The following HIPK3 variants were observed in gnomAD, a reference collection of about 807,000 sequenced individuals.
The protein encoded by HIPK3 is homeodomain-interacting protein kinase 3.
Under a neutral mutation model 124.2 loss-of-function variants are expected in HIPK3, and 47 were observed. The ratio of observed to expected loss-of-function variants is 0.38; its 90% CI spans 0.30 to 0.48. The LOEUF is 0.48. Among genes scored for constraint, HIPK3 ranks in the 20% least tolerant of loss-of-function variants. HIPK3 has a pLI of 0.98. For synonymous variants in HIPK3, 482 were observed against 515.2 expected (o/e 0.94, Z 0.87); for missense variants, 1,286 against 1,454.3 (o/e 0.88, Z 1.88).
intron 2 of HIPK3, among the ~76,000 whole-genome samples, chr11:33,291,677 G>T (rs1299229715): frequency 3.3e-5 from 5 of 152,186 alleles, no homozygotes; most frequent in African/African-American, 1.2e-4. Flanking sequence ...GCGGCAGAAG[G>T]TGCTGTATTT....
chr11:33,302,341 TC>T (rs201942951), intron 2 of HIPK3, among the ~76,000 whole-genome samples: 17 of 142,754 alleles, frequency 1.2e-4, no homozygotes, highest in African/African-American at 1.0e-4. Context: ...ATTCCTTACT[TC>T]TTTTTTTTTT....
rs1444477216 is a variant in HIPK3, at chr11:33,287,361, T to C, written c.947T>C (p.Leu316Pro). 1 of 1,614,202 alleles carries C rather than the reference T, an allele frequency of 6.2e-7. No homozygotes were observed. The highest frequency in any genetic ancestry group is 1.7e-5 in the Admixed American group (1 of 60,022). ...ACTGCACTGAAAAAATTGAAAAGTC[T>C]TGGTTTAATTCATGCTGATCTCAAG... The part of the protein sequence containing the change: ...VATALKKLKS[L>P]GLIHADLKPE... Residue 316 changes from leucine to proline, a missense_variant, in exon 2 of 17, where the codon CTT (leucine) becomes CCT (proline). Transcript: ENST00000303296.
chr11:33,283,400 G>A (rs1474008717), intron 1 of HIPK3, among the ~76,000 whole-genome samples: 1 of 152,118 alleles, frequency 6.6e-6, no homozygotes, highest in African/African-American at 2.4e-5. Context: ...GTGACCCACC[G>A]CGCCCAGCGG....
chr11:33,258,015 A>G, intron 1 of HIPK3, 126 bp downstream of exon 1: 1 of 802,064 alleles, frequency 1.2e-6, no homozygotes, highest in Non-Finnish European at 1.5e-6. Context: ...CGCAGCCCGC[A>G]CTCATTGCGC....
At chr11:33,319,320 C>T (rs936149176) in intron 2 of HIPK3, among the ~76,000 whole-genome samples, 1 of 152,142 alleles carries the variant, frequency 6.6e-6, no homozygotes, top group African/African-American at 2.4e-5. Context: ...TATTGTGAAA[C>T]CCCATCTCTA....
At chr11:33,269,157 C>T (rs1051834904) in intron 1 of HIPK3, among the ~76,000 whole-genome samples, 1 of 152,166 alleles carries the variant, frequency 6.6e-6, no homozygotes, top group South Asian at 2.1e-4. Context: ...GGTACCTGAC[C>T]AAGCAGTTGT....
At chr11:33,327,398 C>T (rs986984108) in intron 2 of HIPK3, among the ~76,000 whole-genome samples, 2 of 152,038 alleles carry the variant, frequency 1.3e-5, no homozygotes, top group South Asian at 4.2e-4. Context: ...TCATGGAAAT[C>T]TAGACAAAAC....
chr11:33,282,351 C>G (rs1415642530), intron 1 of HIPK3, among the ~76,000 whole-genome samples: 1 of 150,910 alleles, frequency 6.6e-6, no homozygotes, highest in Non-Finnish European at 1.5e-5. Context: ...TGCCATTGCA[C>G]TTTAGTCTGG....
Position 33,339,533 on chromosome 11 carries a change from C to G in HIPK3, c.1612C>G (p.His538Asp). Residue 538 changes from histidine to aspartate, a missense_variant and splice_region_variant, in exon 6 of 17, where the codon CAT (histidine) becomes GAT (aspartate). By Grantham distance (81) the His-to-Asp change is moderately conservative. Around this residue, in one of 3 missense-constraint regions of HIPK3, gnomAD observed 810 missense variants for 864.9 expected, o/e 0.94. Coordinates refer to ENST00000303296, the MANE Select transcript of HIPK3 (RefSeq NM_005734.5). ...KHLLDFPHSN[H>D]VKSCFHIMDI... ...TCTTCTAGATTTCCCTCATAGCAACCAGTATGTTACTTTAAGATCTTTTAA... is the reference window on the plus strand; with the variant it reads ...TCTTCTAGATTTCCCTCATAGCAACGAGTATGTTACTTTAAGATCTTTTAA... 1 of 1,576,142 alleles carries G rather than the reference C, an allele frequency of 6.3e-7. No individual in the cohort carries two copies. The highest frequency in any genetic ancestry group is 1.4e-5 in the African/African-American group (1 of 74,054).
intron 1 of HIPK3, among the ~76,000 whole-genome samples, chr11:33,265,824 G>A (rs1253747829): frequency 2.1e-5 from 3 of 144,796 alleles, no homozygotes; most frequent in Non-Finnish European, 4.5e-5. Flanking sequence ...GGTGGCTCAC[G>A]CCTGTAATCC....
intron 13 of HIPK3, 105 bp from the exon 14 acceptor site, chr11:33,349,042 C>A: frequency 2.7e-6 from 3 of 1,105,122 alleles, no homozygotes; most frequent in Non-Finnish European, 2.6e-6. Context: ...CCATGTAGGT[C>A]ATTCTTAACA....
chr11:33,280,945 G>T (rs570360801), intron 1 of HIPK3, among the ~76,000 whole-genome samples: 4 of 151,994 alleles, frequency 2.6e-5, no homozygotes, highest in African/African-American at 9.6e-5. Context: ...ATTTTAGTGT[G>T]ACTCTACATG....
chr11:33,272,060 T>C (rs1430700637), intron 1 of HIPK3, among the ~76,000 whole-genome samples: 4 of 152,190 alleles, frequency 2.6e-5, no homozygotes, highest in African/African-American at 2.4e-5. Context: ...AATGATTAGA[T>C]GTAGTTAGGG....
intron 2 of HIPK3, among the ~76,000 whole-genome samples, chr11:33,311,888 C>T (rs1435120577): frequency 2.5e-5 from 2 of 80,072 alleles, no homozygotes; most frequent in Non-Finnish European, 5.5e-5. Flanking sequence ...CACACTTGGG[C>T]AACATAGCAA....
chr11:33,277,977 G>A (rs1341373619), intron 1 of HIPK3, among the ~76,000 whole-genome samples: 2 of 152,004 alleles, frequency 1.3e-5, no homozygotes, highest in East Asian at 1.9e-4. Flanking sequence ...TCTCAGTTAC[G>A]TGTATTGCAA....
At chr11:33,343,244 A>ATT (rs1319342228) in intron 8 of HIPK3, among the ~76,000 whole-genome samples, 3 of 111,960 alleles carry the variant, frequency 2.7e-5, no homozygotes, top group Non-Finnish European at 5.3e-5. Context: ...GGATTATTTG[A>ATT]TTTTGTGTGT....
At chr11:33,282,904 C>G (rs1458959881) in intron 1 of HIPK3, among the ~76,000 whole-genome samples, 4 of 152,070 alleles carry the variant, frequency 2.6e-5, no homozygotes, top group African/African-American at 9.7e-5. Flanking sequence ...ACAGTGAGAC[C>G]TAGTCTCTTA....
chr11:33,328,901 G>T (rs1378768544), intron 3 of HIPK3, among the ~76,000 whole-genome samples: 1 of 152,140 alleles, frequency 6.6e-6, no homozygotes, highest in African/African-American at 2.4e-5. Context: ...AGGTTGGATT[G>T]TGTGTCCATT....
intron 3 of HIPK3, among the ~76,000 whole-genome samples, chr11:33,335,144 A>C (rs1168741907): frequency 6.6e-6 from 1 of 152,190 alleles, no homozygotes; most frequent in Admixed American, 6.5e-5. Context: ...GGGGCAAATC[A>C]GTTTAGGATA....
Sources: allele counts gnomAD v4.1 joint callset (sites outside exome capture counted in the v4.1 genomes callset), GRCh38; gene constraint gnomAD v4.1.1; regional missense constraint gnomAD v4.1.1; transcripts MANE v1.5; gene names NCBI Gene and HGNC (gene_info 2026-07-23, HGNC 2026-07-21).